Variants in PALS2 observed in about 807,000 individuals in gnomAD.
PALS2 encodes the protein protein PALS2.
PALS2 carries 27 observed loss-of-function variants against 61.6 expected under a neutral mutation model. The ratio of observed to expected loss-of-function variants is 0.44; its 90% CI spans 0.32 to 0.60. PALS2 has a LOEUF of 0.60. PALS2 is among the 20% of genes least tolerant of loss of function. The pLI, the probability that PALS2 is intolerant of heterozygous loss-of-function variation, is 0.05. For synonymous variants in PALS2, 236 were observed against 218.6 expected (o/e 1.08, Z -0.70); for missense variants, 554 against 639.4 (o/e 0.87, Z 1.44).
intron 2 of PALS2, among the ~76,000 whole-genome samples, chr7:24,639,059 G>GT (rs1209033466): frequency 6.6e-6 from 1 of 152,222 alleles, no homozygotes; most frequent in Non-Finnish European, 1.5e-5. Context: ...TAAAATAACT[G>GT]TGAGGATAGA....
rs374583705 is a variant in PALS2 at position 24,615,364 on chromosome 7, GAA to G, written c.-2-8296_-2-8295del. On this transcript the variant is annotated intron_variant, in intron 1 of 11. Transcript: ENST00000222644. ...TTTTTTAAAAAGATAAAATCAACAAGAAAAAAAGAGCAAATCCAAATAAAATC... is the reference window on the plus strand; with the variant it reads ...TTTTTTAAAAAGATAAAATCAACAAGAAAAAGAGCAAATCCAAATAAAATC... Among the ~76,000 whole-genome samples the G allele has an allele frequency of 4.0e-4, 61 of 151,582 alleles. 1 individual carries two copies. The highest frequency in any genetic ancestry group is 3.4e-3 in the Middle Eastern group (1 of 294).
chr7:24,677,420 T>C (rs1251506301), intron 9 of PALS2, among the ~76,000 whole-genome samples: 2 of 151,560 alleles, frequency 1.3e-5, no homozygotes, highest in African/African-American at 2.4e-5. Context: ...TGAATAGGAG[T>C]GGTGAGAGAG....
At chr7:24,642,820 TGATTG>T (rs1785633090) in intron 3 of PALS2, among the ~76,000 whole-genome samples, 1 of 152,132 alleles carries the variant, frequency 6.6e-6, no homozygotes, top group Non-Finnish European at 1.5e-5. Flanking sequence ...AGGTCCCAGT[TGATTG>T]AGTCCTTATA....
chr7:24,641,919 TCTC>T, intron 3 of PALS2, 51 bp downstream of exon 3: 1 of 1,545,346 alleles, frequency 6.5e-7, no homozygotes. Context: ...CCCAAAGTAT[TCTC>T]CTTTACTTTC....
chr7:24,589,390 G>C (rs1057490023), intron 1 of PALS2: 1 of 152,082 alleles, frequency 6.6e-6, no homozygotes, highest in Non-Finnish European at 1.5e-5. Context: ...CTCCTTTCTT[G>C]GGCTTTTTGT....
chr7:24,579,706 C>T (rs1343643604), intron 1 of PALS2, among the ~76,000 whole-genome samples: 1 of 152,062 alleles, frequency 6.6e-6, no homozygotes, highest in Non-Finnish European at 1.5e-5. Context: ...AGGAGCTTAG[C>T]TTATCACCTT....
rs1448747776 is a variant in PALS2, at chr7:24,679,155, A to G, written c.1139A>G (p.Asp380Gly). ...VPFTSRKPRE[D>G]EKDGQAYKFV... ...GTTACTTCACGGAAACCAAGGGAAG[A>G]TGAAAAAGATGGCCAGGCATATAAG... The change falls in exon 10 of 12, where the codon GAT becomes GGT. Residue 380 changes from aspartate to glycine, a missense_variant. By Grantham distance (94) the Asp-to-Gly change is moderately conservative. Transcript: ENST00000222644. 6.2e-7 allele frequency: 1 copy of G among 1,613,976 alleles called. No homozygotes were observed. The highest frequency in any genetic ancestry group is 1.3e-5 in the African/African-American group (1 of 75,056).
intron 1 of PALS2, among the ~76,000 whole-genome samples, chr7:24,604,968 C>T (rs1272165792): frequency 2.0e-5 from 3 of 152,198 alleles, no homozygotes; most frequent in Non-Finnish European, 2.9e-5. Flanking sequence ...CTGTTCTTAC[C>T]TCAAGCTCTA....
chr7:24,680,349 T>A, intron 10 of PALS2, 43 bp from the exon 11 acceptor site: 1 of 1,572,446 alleles, frequency 6.4e-7, no homozygotes, highest in Non-Finnish European at 8.7e-7. Context: ...GAATTCTAGT[T>A]CTAATATTGT....
intron 1 of PALS2, among the ~76,000 whole-genome samples, chr7:24,615,609 C>T (rs1348070492): frequency 1.3e-5 from 2 of 151,738 alleles, no homozygotes; most frequent in Non-Finnish European, 3.0e-5. Context: ...AAAAAGACTC[C>T]CAACAAAGGA....
chr7:24,611,205 A>T (rs77018871), intron 1 of PALS2, among the ~76,000 whole-genome samples: 9,595 of 152,152 alleles, frequency 0.063, 350 homozygotes, highest in African/African-American at 0.093. Flanking sequence ...ACATTTCCTT[A>T]ACATAATAAA....
At chr7:24,612,558 G>C (rs1007190938) in intron 1 of PALS2, among the ~76,000 whole-genome samples, 1 of 151,322 alleles carries the variant, frequency 6.6e-6, no homozygotes, top group Admixed American at 6.6e-5. Flanking sequence ...CTCAGAACAC[G>C]GCTTCTCCAT....
chr7:24,611,776 C>T (rs1014139215), intron 1 of PALS2, among the ~76,000 whole-genome samples: 3 of 151,730 alleles, frequency 2.0e-5, no homozygotes, highest in African/African-American at 7.3e-5. Flanking sequence ...GTGGTAAGTG[C>T]AGGGAGGGTT....
At chr7:24,636,324 A>G (rs1314538536) in intron 2 of PALS2, among the ~76,000 whole-genome samples, 1 of 151,980 alleles carries the variant, frequency 6.6e-6, no homozygotes, top group African/African-American at 2.4e-5. Context: ...GTCTTCTCCC[A>G]TATTCTCATT....
chr7:24,592,943 A>C lies in PALS2; in HGVS notation c.-3+19350A>C, dbSNP rs575538277. 5.9e-5 allele frequency among the ~76,000 whole-genome samples: 9 copies of C among 152,182 alleles called. No individual in the cohort carries two copies. In the South Asian group the frequency reaches 1.9e-3, roughly 32 times the overall value. ...CTGTGGTAATTTCTTAAAATAAGAC[A>C]GATATAAAGTTTGCCACATTGGTAG... On this transcript the variant is annotated intron_variant, in intron 1 of 11. Coordinates refer to ENST00000222644, the MANE Select transcript of PALS2 (RefSeq NM_001303037.2).
At chr7:24,650,132 A>G (rs1786064736) in intron 4 of PALS2, among the ~76,000 whole-genome samples, 1 of 152,158 alleles carries the variant, frequency 6.6e-6, no homozygotes, top group Non-Finnish European at 1.5e-5. Flanking sequence ...AGGACTCTCT[A>G]AGTAGTGAAG....
At chr7:24,652,432 C>G (rs1786202651) in intron 5 of PALS2, among the ~76,000 whole-genome samples, 1 of 152,154 alleles carries the variant, frequency 6.6e-6, no homozygotes, top group African/African-American at 2.4e-5. Context: ...CATACCCTCT[C>G]AAACTCTGCT....
rs1222193341 is a variant in PALS2, at chr7:24,573,774, C to G, written c.-3+181C>G. Among the ~76,000 whole-genome samples, 1 of 145,766 alleles carries G rather than the reference C, an allele frequency of 6.9e-6. No homozygotes were observed. The highest frequency in any genetic ancestry group is 1.5e-5 in the Non-Finnish European group (1 of 65,276). The stretch of plus-strand genomic sequence containing the variant: ...GGACCGGCAGGCGGCGGCGGCGGCG[C>G]CGCGGTCGGGGAGGCTGCTGGCCGC... On this transcript the variant is annotated intron_variant, in intron 1 of 11. Coordinates refer to ENST00000222644, the MANE Select transcript of PALS2 (RefSeq NM_001303037.2). This position sits in a 1 kb window ranked among gnomAD's most constrained non-coding sequence, Gnocchi z 5.3.
intron 2 of PALS2, among the ~76,000 whole-genome samples, chr7:24,639,897 G>A (rs145612846): frequency 0.064 from 9,213 of 143,624 alleles, 335 homozygotes; most frequent in African/African-American, 0.094. Flanking sequence ...GCTCACTGCA[G>A]CCTCCGCCTC....
Sources: gnomAD v4.1 joint callset for allele counts (sites outside exome capture counted in the v4.1 genomes callset) on GRCh38, gnomAD v4.1.1 for gene constraint, Gnocchi (gnomAD v3.1) non-coding constraint, MANE v1.5 for transcripts, NCBI Gene and HGNC (gene_info 2026-07-23, HGNC 2026-07-21) for gene names.